CSMD1: variants seen among roughly 807,000 people sequenced by gnomAD.
CSMD1 encodes the protein CUB and sushi domain-containing protein 1.
CSMD1 carries 213 observed loss-of-function variants against 417.5 expected under a neutral mutation model. That is an observed-to-expected ratio of 0.51 (90% CI 0.46 to 0.57). The LOEUF (loss-of-function observed/expected upper bound fraction) is 0.57, where lower values mean the gene tolerates loss of function less well. Ranked by LOEUF, CSMD1 falls within the 20% of genes least tolerant of loss-of-function variation. CSMD1 has a pLI of 0.00. For synonymous variants in CSMD1, 2,862 were observed against 1,736.8 expected, an observed-to-expected ratio of 1.65 and a Z score of -16.11; for missense variants, 6,923 against 4,529.7, an observed-to-expected ratio of 1.53 and a Z score of -15.17.
intron 5 of CSMD1, among the ~76,000 whole-genome samples, chr8:3,894,868 A>G (rs1052890941): frequency 6.6e-6 from 1 of 152,192 alleles, no homozygotes; most frequent in African/African-American, 2.4e-5. Context: ...CATTATTTTC[A>G]CACCTGTCTT....
intron 3 of CSMD1, among the ~76,000 whole-genome samples, chr8:4,153,326 C>T (rs1007781568): frequency 5.9e-5 from 9 of 152,160 alleles, no homozygotes; most frequent in African/African-American, 1.9e-4. Context: ...TCCGACATTG[C>T]CCCGTTTTGT....
intron 41 of CSMD1, among the ~76,000 whole-genome samples, chr8:3,129,963 AGAGT>A (rs1817708509): frequency 6.6e-6 from 1 of 152,150 alleles, no homozygotes; most frequent in Admixed American, 6.5e-5. Flanking sequence ...CCTAAATAAC[AGAGT>A]GAGACTCTGT....
intron 2 of CSMD1, among the ~76,000 whole-genome samples, chr8:4,584,043 T>C (rs1799578116): frequency 6.6e-6 from 1 of 150,552 alleles, no homozygotes; most frequent in Non-Finnish European, 1.5e-5. Flanking sequence ...GCTATAACAC[T>C]CACTACGAAG....
chr8:3,847,163 T>C (rs1373786659), intron 5 of CSMD1, among the ~76,000 whole-genome samples: 1 of 152,066 alleles, frequency 6.6e-6, no homozygotes, highest in Non-Finnish European at 1.5e-5. Context: ...TTTTAACCAA[T>C]AATGCCTGAA....
intron 1 of CSMD1, among the ~76,000 whole-genome samples, chr8:4,760,897 G>C (rs1393279212): frequency 6.6e-6 from 1 of 152,172 alleles, no homozygotes; most frequent in Non-Finnish European, 1.5e-5. Context: ...AAAGTGTGCA[G>C]CAGAAGTTAT....
At chr8:3,500,593 G>C (rs553171842) in intron 10 of CSMD1, among the ~76,000 whole-genome samples, 4 of 152,168 alleles carry the variant, frequency 2.6e-5, no homozygotes, top group African/African-American at 7.2e-5. Flanking sequence ...AAAAGAATCT[G>C]TGGTAGGGAG....
intron 4 of CSMD1, among the ~76,000 whole-genome samples, chr8:4,025,450 A>C (rs1026543508): frequency 6.6e-6 from 1 of 152,236 alleles, no homozygotes; most frequent in Non-Finnish European, 1.5e-5. Context: ...TCAATAATAA[A>C]GTATGGGAAA....
At chr8:3,304,047 C>T (rs1301457527) in intron 25 of CSMD1, among the ~76,000 whole-genome samples, 1 of 152,124 alleles carries the variant, frequency 6.6e-6, no homozygotes, top group East Asian at 1.9e-4. Context: ...ATCAATGTAG[C>T]TCTGCAATAA....
At chr8:4,881,137 G>C (rs527407441) in intron 1 of CSMD1, among the ~76,000 whole-genome samples, 5 of 152,038 alleles carry the variant, frequency 3.3e-5, no homozygotes, top group African/African-American at 9.7e-5. Context: ...TTATAATCTT[G>C]ATTTAATCAT....
At chr8:4,438,459 T>G (rs73658898) in intron 2 of CSMD1, among the ~76,000 whole-genome samples, 4,789 of 152,284 alleles carry the variant, frequency 0.031, 255 homozygotes, top group African/African-American at 0.11. Context: ...AACTGGGACA[T>G]GTGGCAATGG....
intron 2 of CSMD1, among the ~76,000 whole-genome samples, chr8:4,451,063 A>C (rs1416813106): frequency 6.6e-6 from 1 of 152,150 alleles, no homozygotes. Flanking sequence ...CTGCTCATTC[A>C]ATAAGTCAGT....
At chr8:3,191,083 T>C (rs1563128141) in intron 33 of CSMD1, among the ~76,000 whole-genome samples, 2 of 152,216 alleles carry the variant, frequency 1.3e-5, no homozygotes, top group South Asian at 2.1e-4. Flanking sequence ...GGTAGATTTT[T>C]CTAATGAGAA....
At chr8:3,852,605 T>C (rs532367765) in intron 5 of CSMD1, among the ~76,000 whole-genome samples, 4 of 152,042 alleles carry the variant, frequency 2.6e-5, no homozygotes, top group Admixed American at 6.6e-5. Flanking sequence ...TATCTCAGCA[T>C]TCACAAAAGC....
chr8:4,946,389 G>C (rs891002848), intron 1 of CSMD1, among the ~76,000 whole-genome samples: 1 of 152,148 alleles, frequency 6.6e-6, no homozygotes, highest in Non-Finnish European at 1.5e-5. Flanking sequence ...TAGTGATGAA[G>C]GAACTAGGTC....
intron 63 of CSMD1, among the ~76,000 whole-genome samples, chr8:2,957,460 C>T (rs1322708023): frequency 6.6e-6 from 1 of 152,132 alleles, no homozygotes; most frequent in Non-Finnish European, 1.5e-5. Context: ...CTCCCTGGCT[C>T]CCTCCAGAGG....
intron 3 of CSMD1, among the ~76,000 whole-genome samples, chr8:4,364,535 TAATC>T (rs1156792765): frequency 1.3e-5 from 1 of 78,258 alleles, no homozygotes; most frequent in Non-Finnish European, 2.3e-5. Flanking sequence ...TTTAAAAAGA[TAATC>T]AATGGCCGGG....
chr8:3,234,988 C>A (rs1442409), intron 26 of CSMD1, among the ~76,000 whole-genome samples: 1 of 152,106 alleles, frequency 6.6e-6, no homozygotes, highest in Non-Finnish European at 1.5e-5. Flanking sequence ...TCTGAATGAA[C>A]TTCCCATCTT....
intron 2 of CSMD1, among the ~76,000 whole-genome samples, chr8:4,627,037 T>C (rs956242686): frequency 2.0e-5 from 3 of 152,214 alleles, no homozygotes; most frequent in African/African-American, 7.2e-5. Flanking sequence ...ATTCCTTTTT[T>C]AAATTTTGGG....
At chr8:3,956,837 T>C (rs1010905260) in intron 5 of CSMD1, among the ~76,000 whole-genome samples, 14 of 152,260 alleles carry the variant, frequency 9.2e-5, no homozygotes, top group African/African-American at 3.4e-4. Context: ...GAGAGAATGT[T>C]GGTGGCTCTT....
Sources: allele counts gnomAD v4.1 joint callset (sites outside exome capture counted in the v4.1 genomes callset), GRCh38; gene constraint gnomAD v4.1.1; transcripts MANE v1.5; gene names NCBI Gene and HGNC (gene_info 2026-07-23, HGNC 2026-07-21).